PTPRT: variants seen among roughly 807,000 people sequenced by gnomAD.
PTPRT encodes receptor-type tyrosine-protein phosphatase T.
Under a neutral mutation model 176.8 loss-of-function variants are expected in PTPRT, and 56 were observed. The observed-to-expected ratio is 0.32, with a 90% CI of 0.26 to 0.40. PTPRT has a LOEUF of 0.40. Ranked by LOEUF, PTPRT falls within the 10% of genes least tolerant of loss-of-function variation. The probability of loss-of-function intolerance (pLI) is 1.00; values close to 1 mark genes in which losing one functional copy is unlikely to be tolerated. For missense variants in PTPRT, 1,540 were observed against 1,908.2 expected (o/e 0.81, Z 3.60); for synonymous variants, 783 against 739.0 (o/e 1.06, Z -0.96).
intron 5 of PTPRT, among the ~76,000 whole-genome samples, chr20:42,757,052 TA>T (rs554308907): frequency 0.035 from 4,144 of 118,382 alleles, 106 homozygotes; most frequent in African/African-American, 0.078. Context: ...CCTGCCTCTT[TA>T]AAAAAAAAAA....
At chr20:42,631,062 C>T (rs980651085) in intron 7 of PTPRT, among the ~76,000 whole-genome samples, 6 of 152,044 alleles carry the variant, frequency 3.9e-5, no homozygotes, top group Non-Finnish European at 8.8e-5. Flanking sequence ...TGCCAGTGAA[C>T]AAACTCTCAG....
rs1286449069 is a variant in PTPRT at position 42,270,499 on chromosome 20, GA to G, written c.2176+11989del. 8.5e-6 allele frequency: 13 copies of G among 1,532,374 alleles called. No individual in the cohort carries two copies. The East Asian group carries it at 2.2e-4, about 26-fold the overall frequency. The allele number at this position is 1,532,374 out of a possible 1,614,324, so 94.9% of individuals were successfully genotyped here. A position where few individuals can be genotyped will look rare whatever the true frequency, so the allele number is the denominator to read the frequency against. On this transcript the variant is annotated intron_variant, in intron 13 of 30. Coordinates refer to ENST00000373187, the MANE Select transcript of PTPRT (RefSeq NM_007050.6). The stretch of plus-strand genomic sequence containing the variant: ...CCCCAGGCAGCATGCAGAAGAGAAG[GA>G]GAGAAAGAAACACACATGAAAACGT...
At chr20:43,103,157 C>T (rs1225178058) in intron 1 of PTPRT, among the ~76,000 whole-genome samples, 1 of 152,058 alleles carries the variant, frequency 6.6e-6, no homozygotes, top group African/African-American at 2.4e-5. Context: ...TTCTCAGATC[C>T]CCCGTCCCCA....
chr20:42,308,608 C>T (rs766399086), intron 12 of PTPRT, among the ~76,000 whole-genome samples: 1 of 152,256 alleles, frequency 6.6e-6, no homozygotes, highest in Admixed American at 6.5e-5. Flanking sequence ...CTTTAATATA[C>T]ATTGTCTAAT....
chr20:42,304,260 C>T (rs996425567), intron 12 of PTPRT, among the ~76,000 whole-genome samples: 6 of 152,042 alleles, frequency 3.9e-5, no homozygotes, highest in African/African-American at 7.2e-5. Flanking sequence ...CCTGATCCCA[C>T]GTCATGTTCA....
chr20:42,152,967 G>A lies in PTPRT; in HGVS notation c.2682+8385C>T, dbSNP rs1296917136. Among the ~76,000 whole-genome samples the A allele has an allele frequency of 3.9e-5, 6 of 151,976 alleles. No homozygotes were observed. In the South Asian group the frequency reaches 8.3e-4, roughly 21 times the overall value. ...TTGGCTGCAGCATTTTAATCATTTC[G>A]TTTTTTGCTTCCAAGCTTTGCACAT... On this transcript the variant is annotated intron_variant, in intron 17 of 30. Transcript: ENST00000373187.
intron 1 of PTPRT, among the ~76,000 whole-genome samples, chr20:42,955,087 C>T (rs1438027139): frequency 1.3e-5 from 2 of 152,062 alleles, no homozygotes; most frequent in African/African-American, 4.8e-5. Flanking sequence ...CACTCTATCC[C>T]CCTCTTAGTG....
intron 2 of PTPRT, among the ~76,000 whole-genome samples, chr20:42,829,025 T>C (rs1600801524): frequency 6.6e-6 from 1 of 150,678 alleles, no homozygotes; most frequent in African/African-American, 2.4e-5. Context: ...CCTGGAAAAA[T>C]CACAGGCACT....
chr20:42,374,669 G>C (rs965604875), intron 9 of PTPRT, among the ~76,000 whole-genome samples: 4 of 152,146 alleles, frequency 2.6e-5, no homozygotes, highest in Non-Finnish European at 4.4e-5. Flanking sequence ...CCAATGGGGG[G>C]AAAAGAGATT....
chr20:42,609,458 T>C (rs2073937301), intron 7 of PTPRT, among the ~76,000 whole-genome samples: 1 of 152,204 alleles, frequency 6.6e-6, no homozygotes. Flanking sequence ...CCTTTATTTA[T>C]TGATGACAAA....
Position 42,076,073 on chromosome 20 carries a change from T to C in PTPRT, c.*4806A>G, listed in dbSNP as rs1982739252. On this transcript the variant is annotated 3_prime_UTR_variant, in exon 31 of 31. Coordinates refer to ENST00000373187, the MANE Select transcript of PTPRT (RefSeq NM_007050.6). ...TCTAATGTTGATGAGGGTCCTTTTT[T>C]CATGTATGTTTTTCATGTATGTATG... 9.2e-6 allele frequency: 2 copies of C among 217,516 alleles called. No homozygotes were observed. Among genetic ancestry groups the C allele is most frequent in the South Asian group, 1.9e-4 (1 of 5,380 alleles). 13.5% of individuals were successfully genotyped at this position (217,516 alleles called of 1,614,324 possible).
At chr20:42,055,431 C>A in the PTPRT span, among the ~76,000 whole-genome samples, 1 of 152,144 alleles carries the variant, frequency 6.6e-6, no homozygotes, top group Non-Finnish European at 1.5e-5. Context: ...TTCTCAGAGT[C>A]TAGGGGAGGA....
At chr20:42,761,561 G>A (rs1435639649) in intron 5 of PTPRT, among the ~76,000 whole-genome samples, 1 of 152,180 alleles carries the variant, frequency 6.6e-6, no homozygotes, top group African/African-American at 2.4e-5. Flanking sequence ...AACCTTCCTG[G>A]GGATTCCAAT....
At position 42,503,410 on chromosome 20, in the gene PTPRT, G is replaced by A. The variant is rs138605594; in HGVS notation, c.1154-30848C>T. ...TTCAATTCTAAATAGCTTATCTGTTGCCTTTAAGACATTTTCATGACATAA... is the reference window on the plus strand; with the variant it reads ...TTCAATTCTAAATAGCTTATCTGTTACCTTTAAGACATTTTCATGACATAA... On this transcript the variant is annotated intron_variant, in intron 7 of 30. Coordinates refer to ENST00000373187, the MANE Select transcript of PTPRT (RefSeq NM_007050.6). Among the ~76,000 whole-genome samples, 284 of 151,956 alleles carry A rather than the reference G, an allele frequency of 1.9e-3. 1 individual carries two copies. Among genetic ancestry groups the A allele is most frequent in the African/African-American group, 6.6e-3 (272 of 41,474 alleles).
At chr20:42,086,714 G>A (rs1485532948) in intron 27 of PTPRT, among the ~76,000 whole-genome samples, 2 of 87,700 alleles carry the variant, frequency 2.3e-5, no homozygotes, top group African/African-American at 5.4e-5. Flanking sequence ...GTGACACAGC[G>A]AGACTCCATC....
At chr20:42,974,385 G>C (rs925744016) in intron 1 of PTPRT, among the ~76,000 whole-genome samples, 1 of 152,060 alleles carries the variant, frequency 6.6e-6, no homozygotes, top group African/African-American at 2.4e-5. Flanking sequence ...AGTTAAGCAG[G>C]AGTTTCACTC....
intron 6 of PTPRT, chr20:42,688,124 C>T: frequency 6.6e-6 from 1 of 152,164 alleles, no homozygotes; most frequent in East Asian, 1.9e-4. Flanking sequence ...TTGGTCCAGT[C>T]CTAGTGATGG....
At chr20:42,091,969 C>T (rs1984670259) in intron 27 of PTPRT, among the ~76,000 whole-genome samples, 2 of 152,110 alleles carry the variant, frequency 1.3e-5, no homozygotes, top group Non-Finnish European at 2.9e-5. Flanking sequence ...TAGGAACTTA[C>T]CTACAGAAGA....
chr20:42,598,111 C>T (rs1037850571), intron 7 of PTPRT, among the ~76,000 whole-genome samples: 4 of 151,826 alleles, frequency 2.6e-5, no homozygotes, highest in African/African-American at 9.7e-5. Flanking sequence ...ATGATATATG[C>T]ACATGGCCTA....
Sources: gnomAD v4.1 joint callset for allele counts (sites outside exome capture counted in the v4.1 genomes callset) on GRCh38, gnomAD v4.1.1 for gene constraint, MANE v1.5 for transcripts, NCBI Gene and HGNC (gene_info 2026-07-23, HGNC 2026-07-21) for gene names.